The following PTPRM variants were observed in gnomAD, a reference collection of about 807,000 sequenced individuals.
PTPRM encodes the protein protein tyrosine phosphatase receptor type M.
PTPRM carries 47 observed loss-of-function variants against 186.7 expected under a neutral mutation model. That is an observed-to-expected ratio of 0.25 (90% CI 0.20 to 0.32). PTPRM has a LOEUF of 0.32. PTPRM is among the 10% of genes least tolerant of loss of function. The pLI is 1.00. For missense variants in PTPRM, 1,494 were observed against 1,865.0 expected (o/e 0.80, Z 3.66); for synonymous variants, 668 against 674.9 (o/e 0.99, Z 0.16).
chr18:8,146,371 T>C (rs1468591793), intron 14 of PTPRM, among the ~76,000 whole-genome samples: 1 of 152,206 alleles, frequency 6.6e-6, no homozygotes, highest in Non-Finnish European at 1.5e-5. Context: ...TGGTATCTCA[T>C]TGTGGTTTTC....
At chr18:7,718,085 A>G (rs1001781241) in intron 1 of PTPRM, among the ~76,000 whole-genome samples, 7 of 142,954 alleles carry the variant, frequency 4.9e-5, no homozygotes, top group Non-Finnish European at 9.6e-5. Flanking sequence ...ATATGGAACC[A>G]AAAAAAAAGC....
At chr18:8,246,681 C>T (rs544727926) in intron 15 of PTPRM, among the ~76,000 whole-genome samples, 2 of 152,208 alleles carry the variant, frequency 1.3e-5, no homozygotes, top group East Asian at 3.9e-4. Flanking sequence ...TTTTTCCAGG[C>T]TTCTTACCAT....
intron 1 of PTPRM, among the ~76,000 whole-genome samples, chr18:7,657,071 C>T (rs1326462215): frequency 1.3e-5 from 2 of 152,174 alleles, no homozygotes; most frequent in Admixed American, 6.5e-5. Flanking sequence ...AATTTGGATT[C>T]TCAGTTTAAC....
At chr18:7,831,192 A>G (rs1360318326) in intron 2 of PTPRM, among the ~76,000 whole-genome samples, 1 of 152,166 alleles carries the variant, frequency 6.6e-6, no homozygotes, top group Non-Finnish European at 1.5e-5. Context: ...GTTCTTAACT[A>G]GGAGCAATGG....
intron 7 of PTPRM, among the ~76,000 whole-genome samples, chr18:8,019,109 G>A (rs1394927200): frequency 1.3e-5 from 2 of 152,198 alleles, no homozygotes; most frequent in Non-Finnish European, 2.9e-5. Flanking sequence ...TAGATAGATA[G>A]TGTCATCAGT....
chr18:8,275,706 G>T (rs1173214722), intron 19 of PTPRM, among the ~76,000 whole-genome samples: 1 of 152,138 alleles, frequency 6.6e-6, no homozygotes, highest in Non-Finnish European at 1.5e-5. Context: ...CTATTTCATA[G>T]GACTGTTGTG....
intron 18 of PTPRM, among the ~76,000 whole-genome samples, chr18:8,252,766 C>G (rs528083892): frequency 6.6e-6 from 1 of 152,206 alleles, no homozygotes. Flanking sequence ...TGTATTAAGT[C>G]CCCATTTCCA....
At chr18:7,834,491 TAC>T (rs36162599) in intron 2 of PTPRM, among the ~76,000 whole-genome samples, 5 of 84,602 alleles carry the variant, frequency 5.9e-5, no homozygotes, top group East Asian at 3.1e-4. Context: ...TATACAAGTA[TAC>T]ACACACACAC....
intron 1 of PTPRM, among the ~76,000 whole-genome samples, chr18:7,591,078 T>A (rs1042210365): frequency 6.6e-6 from 1 of 152,214 alleles, no homozygotes; most frequent in Admixed American, 6.5e-5. Flanking sequence ...AAGAGGAAGA[T>A]TTCCAGATGA....
chr18:8,232,412 C>G (rs948273777), intron 14 of PTPRM, among the ~76,000 whole-genome samples: 1 of 152,222 alleles, frequency 6.6e-6, no homozygotes, highest in African/African-American at 2.4e-5. Context: ...ATATGAACAT[C>G]TCTATGGAGG....
chr18:8,354,189 G>C (rs964820547), intron 23 of PTPRM, among the ~76,000 whole-genome samples: 2 of 148,024 alleles, frequency 1.4e-5, no homozygotes, highest in African/African-American at 2.5e-5. Flanking sequence ...CTCCAGCCTG[G>C]GTGACAGAGT....
intron 31 of PTPRM, 138 bp downstream of exon 31, chr18:8,387,373 C>T: frequency 1.1e-6 from 1 of 879,628 alleles, no homozygotes; most frequent in South Asian, 1.8e-5. Flanking sequence ...TCATGACACT[C>T]AGTGAGGGAT....
chr18:7,907,463 G>A (rs2050047553), intron 4 of PTPRM, among the ~76,000 whole-genome samples: 1 of 152,214 alleles, frequency 6.6e-6, no homozygotes. Flanking sequence ...TGGCAGGGGA[G>A]CCAGCTGCGA....
chr18:7,600,585 G>A (rs1043043700), intron 1 of PTPRM, among the ~76,000 whole-genome samples: 4 of 152,184 alleles, frequency 2.6e-5, no homozygotes, highest in African/African-American at 9.7e-5. Context: ...ATGTCCTTGT[G>A]ATCACCACCT....
chr18:8,401,132 T>G (rs1307955852), intron 32 of PTPRM, among the ~76,000 whole-genome samples: 1 of 151,980 alleles, frequency 6.6e-6, no homozygotes, highest in Non-Finnish European at 1.5e-5. Context: ...CAGTAAGCAT[T>G]TTCTGAGTGA....
chr18:8,219,278 T>C (rs1001523443), intron 14 of PTPRM, among the ~76,000 whole-genome samples: 2 of 152,082 alleles, frequency 1.3e-5, no homozygotes, highest in African/African-American at 4.8e-5. Flanking sequence ...CCATCCTGGC[T>C]AACATGGTGA....
intron 5 of PTPRM, 141 bp from the exon 6 acceptor site, chr18:7,949,040 G>A: frequency 1.4e-6 from 1 of 718,256 alleles, no homozygotes; most frequent in Non-Finnish European, 2.2e-6. Flanking sequence ...TATTCTCCTG[G>A]TACAACTGCC....
chr18:7,719,207 C>T (rs987622701), intron 1 of PTPRM, among the ~76,000 whole-genome samples: 4 of 152,164 alleles, frequency 2.6e-5, no homozygotes, highest in African/African-American at 9.7e-5. Context: ...GGGAATACAA[C>T]TCAGCCATAA....
chr18:8,211,428 C>T (rs1204666700), intron 14 of PTPRM, among the ~76,000 whole-genome samples: 15 of 142,452 alleles, frequency 1.1e-4, no homozygotes, highest in African/African-American at 3.9e-4. Context: ...AGAGTCTCGC[C>T]CTGTCGCCCA....
Sources: gnomAD v4.1 joint callset for allele counts (sites outside exome capture counted in the v4.1 genomes callset) on GRCh38, gnomAD v4.1.1 for gene constraint, MANE v1.5 for transcripts, NCBI Gene and HGNC (gene_info 2026-07-23, HGNC 2026-07-21) for gene names.